Variants in CNTN4 observed in about 807,000 individuals in gnomAD.
CNTN4 encodes contactin 4, also known as contactin-4.
In CNTN4, 77 loss-of-function variants were observed where a neutral mutation model predicts 122.5. The observed-to-expected ratio is 0.63, with a 90% confidence interval of 0.52 to 0.76. The LOEUF is 0.76. CNTN4 is among the 30% of genes least tolerant of loss of function. The pLI is 0.00. For synonymous variants in CNTN4, 512 were observed against 447.0 expected, an observed-to-expected ratio of 1.15 and a Z score of -1.83; for missense variants, 1,256 against 1,259.1, an observed-to-expected ratio of 1.00 and a Z score of 0.04.
intron 2 of CNTN4, among the ~76,000 whole-genome samples, chr3:2,329,854 C>T (rs901713462): frequency 3.9e-5 from 6 of 152,150 alleles, no homozygotes; most frequent in Admixed American, 1.3e-4. Context: ...AACAAACAAA[C>T]GTTTCTCTCT....
At chr3:2,729,937 T>A (rs1337627755) in intron 4 of CNTN4, among the ~76,000 whole-genome samples, 2 of 152,088 alleles carry the variant, frequency 1.3e-5, no homozygotes, top group Non-Finnish European at 2.9e-5. Context: ...AAATAAACTT[T>A]AGAATGCATA....
intron 4 of CNTN4, among the ~76,000 whole-genome samples, chr3:2,702,676 AGT>A (rs1299845969): frequency 6.6e-6 from 1 of 152,204 alleles, no homozygotes; most frequent in Non-Finnish European, 1.5e-5. Context: ...AGAAAGAAAA[AGT>A]GTTCCTGAGA....
chr3:2,296,489 A>T (rs908648626), intron 2 of CNTN4, among the ~76,000 whole-genome samples: 1 of 152,264 alleles, frequency 6.6e-6, no homozygotes, highest in East Asian at 1.9e-4. Context: ...TTTGTTAGAA[A>T]AAAAGAGGAT....
chr3:2,960,097 A>G (rs1874948), intron 13 of CNTN4, among the ~76,000 whole-genome samples: 28,836 of 152,050 alleles, frequency 0.19, 3,065 homozygotes, highest in East Asian at 0.41. Context: ...AACGTCTGTC[A>G]CCTTCTTAGG....
chr3:2,858,070 A>C (rs2093634877), intron 7 of CNTN4, among the ~76,000 whole-genome samples: 1 of 152,182 alleles, frequency 6.6e-6, no homozygotes, highest in Non-Finnish European at 1.5e-5. Context: ...GGCTATGGCA[A>C]ACTGGAGACT....
At chr3:2,787,727 A>C (rs1314214657) in intron 6 of CNTN4, among the ~76,000 whole-genome samples, 1 of 151,810 alleles carries the variant, frequency 6.6e-6, no homozygotes, top group Admixed American at 6.6e-5. Context: ...TTGTTGGTTC[A>C]TTAGGTTAGC....
intron 4 of CNTN4, among the ~76,000 whole-genome samples, chr3:2,595,271 A>G (rs2080714702): frequency 6.6e-6 from 1 of 152,232 alleles, no homozygotes; most frequent in South Asian, 2.1e-4. Flanking sequence ...TGATATTGGC[A>G]TTTTAAAGAT....
At chr3:3,042,947 T>A in intron 21 of CNTN4, 30 bp from the exon 22 acceptor site, 1 of 1,588,732 alleles carries the variant, frequency 6.3e-7, no homozygotes, top group South Asian at 1.1e-5. Context: ...TTGGGTATGG[T>A]TTCCAAGGTC....
chr3:2,944,105 A>G (rs1031889913), intron 13 of CNTN4, among the ~76,000 whole-genome samples: 3 of 151,952 alleles, frequency 2.0e-5, no homozygotes, highest in Admixed American at 6.6e-5. Context: ...TCACTCAAAC[A>G]TAATCACAAG....
At chr3:2,307,229 A>G (rs2042742269) in intron 2 of CNTN4, among the ~76,000 whole-genome samples, 1 of 152,138 alleles carries the variant, frequency 6.6e-6, no homozygotes, top group Admixed American at 6.5e-5. Context: ...AGGTCAGGAG[A>G]TGAAGACCAT....
At chr3:2,453,816 C>G (rs2048911416) in intron 3 of CNTN4, among the ~76,000 whole-genome samples, 1 of 152,022 alleles carries the variant, frequency 6.6e-6, no homozygotes, top group South Asian at 2.1e-4. Flanking sequence ...AACTACAAGT[C>G]AACAGAGTGA....
At position 2,454,708 on chromosome 3, in the gene CNTN4, C is replaced by T. The variant is rs73804570; in HGVS notation, c.-89+115475C>T. Among the ~76,000 whole-genome samples the T allele has an allele frequency of 5.6e-3, 782 of 139,358 alleles. 6 individuals are homozygous for T. The highest frequency in any genetic ancestry group is 0.02 in the African/African-American group (722 of 36,824). The allele number at this position is 139,358 out of a possible 152,430, so 91.4% of individuals were successfully genotyped here. The stretch of plus-strand genomic sequence containing the variant: ...TAGGTTGTTTAAGTTCCAAAGTCTA[C>T]GTGCTTGTTTCCTACTCCATTAGTG... On this transcript the variant is annotated intron_variant, in intron 3 of 24. Transcript: ENST00000418658.
At chr3:2,784,550 A>C (rs913896731) in intron 6 of CNTN4, among the ~76,000 whole-genome samples, 12 of 152,214 alleles carry the variant, frequency 7.9e-5, no homozygotes, top group African/African-American at 2.9e-4. Flanking sequence ...TGTAAAACCA[A>C]AACTGCACTC....
intron 3 of CNTN4, among the ~76,000 whole-genome samples, chr3:2,462,649 A>G (rs754327161): frequency 1.4e-4 from 22 of 152,224 alleles, no homozygotes; most frequent in Non-Finnish European, 2.6e-4. Context: ...CAAAAATAAA[A>G]AGAGGAATAA....
intron 14 of CNTN4, among the ~76,000 whole-genome samples, chr3:2,996,097 C>G (rs1405050860): frequency 6.6e-6 from 1 of 152,028 alleles, no homozygotes; most frequent in East Asian, 1.9e-4. Flanking sequence ...AGCCCTAACT[C>G]AGTATTTGGA....
intron 2 of CNTN4, among the ~76,000 whole-genome samples, chr3:2,253,655 T>C (rs1407081165): frequency 2.0e-5 from 3 of 152,062 alleles, no homozygotes; most frequent in African/African-American, 7.2e-5. Context: ...TTTTTTTTTT[T>C]TATTGAGACA....
At chr3:2,416,110 A>G (rs1559532813) in intron 3 of CNTN4, among the ~76,000 whole-genome samples, 1 of 146,814 alleles carries the variant, frequency 6.8e-6, no homozygotes, top group Admixed American at 6.8e-5. Context: ...CAATCTAGGG[A>G]AGCAAGAAAT....
intron 4 of CNTN4, among the ~76,000 whole-genome samples, chr3:2,574,850 T>C (rs949209622): frequency 6.6e-6 from 1 of 152,104 alleles, no homozygotes; most frequent in African/African-American, 2.4e-5. Context: ...TCTTTTTTTT[T>C]CAATCTACAA....
intron 2 of CNTN4, among the ~76,000 whole-genome samples, chr3:2,207,331 G>A (rs2038406205): frequency 6.6e-6 from 1 of 152,120 alleles, no homozygotes. Context: ...AAATGATTAA[G>A]CTTAGTGAGG....
Sources: gnomAD v4.1 joint callset for allele counts (sites outside exome capture counted in the v4.1 genomes callset) on GRCh38, gnomAD v4.1.1 for gene constraint, MANE v1.5 for transcripts, NCBI Gene and HGNC (gene_info 2026-07-23, HGNC 2026-07-21) for gene names.